Variants in EXTL3 observed in about 807,000 individuals in gnomAD.
The protein encoded by EXTL3 is exostosin like glycosyltransferase 3.
EXTL3 carries 27 observed loss-of-function variants against 69.3 expected under a neutral mutation model. The observed-to-expected ratio is 0.39, with a 90% CI of 0.29 to 0.54. EXTL3 has a LOEUF of 0.54. EXTL3 is among the 20% of genes least tolerant of loss of function. The probability of loss-of-function intolerance (pLI) is 0.69; values close to 1 mark genes in which losing one functional copy is unlikely to be tolerated. For missense variants in EXTL3, 1,003 were observed against 1,231.8 expected, an observed-to-expected ratio of 0.81 and a Z score of 2.78; for synonymous variants, 511 against 499.4, an observed-to-expected ratio of 1.02 and a Z score of -0.31.
In EXTL3 at chr8:28,717,367, C is replaced by T. The variant is rs144597012; in HGVS notation, c.1308C>T (p.Pro436=). The T allele has an allele frequency of 2.1e-5, 34 of 1,614,112 alleles. No individual in the cohort carries two copies. The highest frequency in any genetic ancestry group is 5.0e-5 in the Admixed American group (3 of 60,004). ...CCACCTTCGCCCTCATCATTACCCC[C>T]GGGGACCCTCGCTTGGTTATTTCCT... ...KLSTFALIIT[P]GDPRLVISSG... Residue 436 remains proline (P), a synonymous_variant, in exon 3 of 7, where the codon CCC becomes CCT. Coordinates refer to ENST00000220562, the MANE Select transcript of EXTL3 (RefSeq NM_001440.4). This position sits in a 1 kb window ranked among gnomAD's most constrained non-coding sequence, Gnocchi z 8.3.
chr8:28,747,728 CTTTTTTT>C (rs71549697), intron 6 of EXTL3, among the ~76,000 whole-genome samples: 9 of 124,746 alleles, frequency 7.2e-5, no homozygotes, highest in Non-Finnish European at 1.3e-4. Context: ...TTTTCTTTTT[CTTTTTTT>C]TTTTTTTTTT....
intron 1 of EXTL3, among the ~76,000 whole-genome samples, chr8:28,686,848 A>G (rs1807586531): frequency 6.6e-6 from 1 of 152,204 alleles, no homozygotes; most frequent in Non-Finnish European, 1.5e-5. Context: ...TACATATGAT[A>G]TCTCATTTAA....
intron 1 of EXTL3, among the ~76,000 whole-genome samples, chr8:28,648,658 C>G (rs1438404959): frequency 1.3e-5 from 2 of 149,018 alleles, no homozygotes; most frequent in Admixed American, 6.7e-5. Flanking sequence ...CCACTACTGT[C>G]CTGAGTGAGG....
chr8:28,738,734 TGGCACAG>T (rs1801708922), intron 5 of EXTL3, among the ~76,000 whole-genome samples: 1 of 152,270 alleles, frequency 6.6e-6, no homozygotes, highest in Non-Finnish European at 1.5e-5. Flanking sequence ...ATCTGTGCTT[TGGCACAG>T]GGCAGGTGTA....
chr8:28,713,629 A>G (rs569741388), intron 2 of EXTL3, 79 bp downstream of exon 2: 2 of 686,084 alleles, frequency 2.9e-6, no homozygotes, highest in South Asian at 1.6e-5. Context: ...TTTCTTTGTT[A>G]CAATTTGGTC....
At chr8:28,714,105 C>T (rs1444442777) in intron 2 of EXTL3, among the ~76,000 whole-genome samples, 1 of 151,910 alleles carries the variant, frequency 6.6e-6, no homozygotes, top group African/African-American at 2.4e-5. Context: ...GGGGTTTTGC[C>T]ATGTTGGCCA....
At chr8:28,616,196 A>T (rs1806328587) in intron 2 of EXTL3, among the ~76,000 whole-genome samples, 1 of 152,230 alleles carries the variant, frequency 6.6e-6, no homozygotes, top group Admixed American at 6.5e-5. Flanking sequence ...GAATTAGTAT[A>T]TAAGAGACTT....
At chr8:28,749,316 GAACA>G (rs1801954974) in intron 6 of EXTL3, among the ~76,000 whole-genome samples, 3 of 152,236 alleles carry the variant, frequency 2.0e-5, no homozygotes, top group South Asian at 2.1e-4. Flanking sequence ...ACTCCAAAAA[GAACA>G]AACAGATTGG....
chr8:28,614,226 C>T (rs1806304137), intron 2 of EXTL3, among the ~76,000 whole-genome samples: 1 of 150,030 alleles, frequency 6.7e-6, no homozygotes, highest in Non-Finnish European at 1.5e-5. Flanking sequence ...TGATTTTTAG[C>T]CTAATTTTTA....
Position 28,717,581 on chromosome 8 carries a change from A to C in EXTL3, c.1522A>C (p.Met508Leu). 6.2e-7 allele frequency: 1 copy of C among 1,614,228 alleles called. No homozygotes were observed. The highest frequency in any genetic ancestry group is 8.5e-7 in the Non-Finnish European group (1 of 1,180,034). ...RSLSDSDLLAMRRQGRFLWET... is the reference protein window; with the variant it reads ...RSLSDSDLLALRRQGRFLWET... ...CCTCTCCGATAGTGACCTCCTGGCT[A>C]TGAGGCGGCAAGGCCGCTTTCTCTG... The change falls in exon 3 of 7, where the codon ATG becomes CTG. Residue 508 changes from methionine (M) to leucine (L), a missense_variant. Coordinates refer to ENST00000220562, the MANE Select transcript of EXTL3 (RefSeq NM_001440.4). The surrounding 1 kb of genome is among the most constrained non-coding windows in gnomAD (Gnocchi z 8.3).
At chr8:28,725,402 T>C (rs1489036882) in intron 3 of EXTL3, among the ~76,000 whole-genome samples, 1 of 151,954 alleles carries the variant, frequency 6.6e-6, no homozygotes, top group African/African-American at 2.4e-5. Context: ...GGTGGATGGG[T>C]TTTTTGCTAT....
In EXTL3 at chr8:28,716,208, AC is replaced by A. The variant is rs774502059; in HGVS notation, c.151del (p.Leu51SerfsTer26). ...LVFFPLIAHY[Y>X]LTTLDEADEA... The stretch of plus-strand genomic sequence containing the variant: ...TTCTTCCCGCTCATCGCCCACTATT[AC>A]CTCACCACTCTGGATGAGGCTGATG... On this transcript the variant is annotated frameshift_variant, in exon 3 of 7. Transcript: ENST00000220562. LOFTEE classifies it high-confidence loss of function. This position sits in a 1 kb window ranked among gnomAD's most constrained non-coding sequence, Gnocchi z 7.1. 6.2e-7 allele frequency: 1 copy of A among 1,614,116 alleles called. No homozygotes were observed. Among genetic ancestry groups the A allele is most frequent in the Non-Finnish European group, 8.5e-7 (1 of 1,180,014 alleles).
At chr8:28,710,544 C>T in intron 1 of EXTL3, 1 of 451,736 alleles carries the variant, frequency 2.2e-6, no homozygotes, top group South Asian at 1.6e-5. Flanking sequence ...TAGGATTACC[C>T]TAATATTGTG....
In EXTL3 at chr8:28,737,584, C is replaced by A. The variant is rs1801679438; in HGVS notation, c.2342C>A (p.Pro781His). Residue 781 changes from proline to histidine, a missense_variant, in exon 5 of 7, where the codon CCC becomes CAC. Transcript: ENST00000220562. The part of the protein sequence containing the change: ...FPGRYHAWDI[P>H]HQSWLYNSNY... ...GGCCGTTACCACGCATGGGACATCC[C>A]CCATCAGTCCTGGCTCTACAACTCC... The A allele has an allele frequency of 6.2e-7, 1 of 1,613,922 alleles. No individual in the cohort carries two copies. The highest frequency in any genetic ancestry group is 1.7e-5 in the Admixed American group (1 of 60,002).
intron 1 of EXTL3, among the ~76,000 whole-genome samples, chr8:28,659,242 A>C (rs1363730493): frequency 2.1e-5 from 3 of 142,636 alleles, no homozygotes; most frequent in Admixed American, 2.1e-4. Flanking sequence ...ACTGTTCTTC[A>C]TTTTTTTTTT....
At chr8:28,733,801 T>G (rs1801590722) in intron 4 of EXTL3, among the ~76,000 whole-genome samples, 1 of 151,880 alleles carries the variant, frequency 6.6e-6, no homozygotes. Context: ...TTTGCCCATT[T>G]TTGTTTGGAT....
At position 28,716,237 on chromosome 8, in the gene EXTL3, G is replaced by T. The variant is rs1367385422; in HGVS notation, c.178G>T (p.Ala60Ser). The T allele has an allele frequency of 1.2e-6, 2 of 1,614,228 alleles. No homozygotes were observed. The highest frequency in any genetic ancestry group is 1.3e-5 in the African/African-American group (1 of 75,058). The part of the protein sequence containing the change: ...YLTTLDEADE[A>S]GKRIFGPRVG... Reference sequence around the variant, plus strand: ...CACCACTCTGGATGAGGCTGATGAGGCAGGCAAGCGGATTTTTGGTCCCCG... The same window carrying T: ...CACCACTCTGGATGAGGCTGATGAGTCAGGCAAGCGGATTTTTGGTCCCCG... The change falls in exon 3 of 7, where the codon GCA becomes TCA. Residue 60 changes from alanine to serine, a missense_variant. By Grantham distance (99) the Ala-to-Ser change is moderately conservative. This residue lies in a region of EXTL3 where 742 missense variants were observed against 815.4 expected (regional missense o/e 0.91). Transcript: ENST00000220562. This position sits in a 1 kb window ranked among gnomAD's most constrained non-coding sequence, Gnocchi z 7.1.
chr8:28,745,371 A>G (rs1226207227), intron 6 of EXTL3, among the ~76,000 whole-genome samples: 1 of 152,238 alleles, frequency 6.6e-6, no homozygotes, highest in Non-Finnish European at 1.5e-5. Flanking sequence ...AAAGCCTCAC[A>G]AGAGAAGAAT....
chr8:28,610,287 A>G (rs971091615), intron 2 of EXTL3, among the ~76,000 whole-genome samples: 1 of 152,020 alleles, frequency 6.6e-6, no homozygotes, highest in Non-Finnish European at 1.5e-5. Flanking sequence ...AGTCCTAGGA[A>G]AAGAGATCAG....
Sources: gnomAD v4.1 joint callset for allele counts (sites outside exome capture counted in the v4.1 genomes callset) on GRCh38, gnomAD v4.1.1 for gene constraint, gnomAD v4.1.1 regional missense constraint, Gnocchi (gnomAD v3.1) non-coding constraint, MANE v1.5 for transcripts, NCBI Gene and HGNC (gene_info 2026-07-23, HGNC 2026-07-21) for gene names.